Variants in DNAH1 observed in about 807,000 individuals in gnomAD.
The protein encoded by DNAH1 is axonemal beta dynein heavy chain 1.
A neutral mutation model predicts 484.3 loss-of-function variants in DNAH1; 327 were observed. That is an observed-to-expected ratio of 0.68 (90% CI 0.62 to 0.74). The LOEUF (loss-of-function observed/expected upper bound fraction) is 0.74, where lower values mean the gene tolerates loss of function less well. DNAH1 is among the 30% of genes least tolerant of loss of function. DNAH1 has a pLI of 0.00. For synonymous variants in DNAH1, 2,192 were observed against 2,191.9 expected (o/e 1.00, Z 0.00); for missense variants, 5,052 against 5,546.8 (o/e 0.91, Z 2.83).
chr3:52,394,535 TG>T lies in DNAH1; in HGVS notation c.10698del (p.Ser3567GlnfsTer9). 6.2e-7 allele frequency: 1 copy of T among 1,614,030 alleles called. No homozygotes were observed. The highest frequency in any genetic ancestry group is 8.5e-7 in the Non-Finnish European group (1 of 1,179,874). ...IMTENPAPDW[L>X]SDRAWRDILA... ...ACTGAGAATCCGGCACCGGACTGGC[TG>T]TCAGACCGGGCTTGGCGAGACATCC... On this transcript the variant is annotated frameshift_variant, in exon 67 of 78. Transcript: ENST00000420323. LOFTEE classifies it high-confidence loss of function.
At chr3:52,359,610 G>A (rs1702770700) in intron 26 of DNAH1, among the ~76,000 whole-genome samples, 1 of 152,334 alleles carries the variant, frequency 6.6e-6, no homozygotes. Context: ...GGAGCCACGC[G>A]CCTGGTCCCT....
Position 52,396,745 on chromosome 3 carries a change from G to T in DNAH1, c.11558G>T (p.Cys3853Phe), listed in dbSNP as rs767788052. ...YEFTDGDLRI[C>F]ISQLKMFLDE... ...TTCACGGATGGAGATCTGCGCATCT[G>T]CATCAGCCAGCTCAAGATGTTCCTG... is the stretch of plus-strand genomic sequence containing the variant. Residue 3853 changes from cysteine (C) to phenylalanine (F), a missense_variant, in exon 72 of 78, where the codon TGC (cysteine) becomes TTC (phenylalanine). Physicochemically the swap from Cys to Phe is radical, Grantham distance 205. This residue lies in a region of DNAH1 where 853 missense variants were observed against 899.0 expected (regional missense o/e 0.95). Transcript: ENST00000420323. 1 of 1,613,768 alleles carries T rather than the reference G, an allele frequency of 6.2e-7. No individual in the cohort carries two copies. The highest frequency in any genetic ancestry group is 1.1e-5 in the South Asian group (1 of 91,080).
At chr3:52,399,315 A>G in intron 76 of DNAH1, 114 bp downstream of exon 76, 1 of 1,187,864 alleles carries the variant, frequency 8.4e-7, no homozygotes, top group Non-Finnish European at 1.2e-6. Flanking sequence ...CAGGGCATGG[A>G]AAGACCCAAG....
intron 8 of DNAH1, among the ~76,000 whole-genome samples, chr3:52,338,260 C>T (rs926293682): frequency 1.5e-4 from 23 of 152,248 alleles, no homozygotes; most frequent in Middle Eastern, 3.4e-3. Flanking sequence ...AGGCGCCTAC[C>T]ACCATGCCTG....
chr3:52,387,462 C>T (rs1184092618), intron 56 of DNAH1, among the ~76,000 whole-genome samples: 2 of 152,212 alleles, frequency 1.3e-5, no homozygotes, highest in Non-Finnish European at 2.9e-5. Flanking sequence ...GCCTGTCCCA[C>T]ACAGGCCACC....
chr3:52,316,857 T>G (rs1336315049), intron 1 of DNAH1, among the ~76,000 whole-genome samples: 1 of 152,180 alleles, frequency 6.6e-6, no homozygotes, highest in Non-Finnish European at 1.5e-5. Context: ...CAAGTCTGTT[T>G]CCCCATCTGT....
At position 52,361,901 on chromosome 3, in the gene DNAH1, C is replaced by T; in HGVS notation, c.4980+135C>T. 1 of 935,972 alleles carries T rather than the reference C, an allele frequency of 1.1e-6. No homozygotes were observed. Among genetic ancestry groups the T allele is most frequent in the Non-Finnish European group, 1.6e-6 (1 of 627,920 alleles). The allele number at this position is 935,972 out of a possible 1,614,324, so 58.0% of individuals were successfully genotyped here. ...GCCTCTCTTGTCCCGGGGGCACACC[C>T]TAACCCCAGTCTGTGGGCAGCTCCC... On this transcript the variant is annotated intron_variant, in intron 30 of 77. Coordinates refer to ENST00000420323, the MANE Select transcript of DNAH1 (RefSeq NM_015512.5). This position sits in a 1 kb window ranked among gnomAD's most constrained non-coding sequence, Gnocchi z 5.6.
At position 52,372,336 on chromosome 3, in the gene DNAH1, G is replaced by T. The variant is rs780533738; in HGVS notation, c.6776G>T (p.Arg2259Leu). ...AGCCACTTCCTCACCTTCTCAGCCCGCACTTCAGCCAACCAGACCCAGGAC... is the reference window on the plus strand; with the variant it reads ...AGCCACTTCCTCACCTTCTCAGCCCTCACTTCAGCCAACCAGACCCAGGAC... The part of the protein sequence containing the change: ...YISHFLTFSA[R>L]TSANQTQDFI... Residue 2259 changes from arginine to leucine, a missense_variant, in exon 43 of 78, where the codon CGC (arginine) becomes CTC (leucine). Coordinates refer to ENST00000420323, the MANE Select transcript of DNAH1 (RefSeq NM_015512.5). The T allele has an allele frequency of 1.2e-5, 19 of 1,613,818 alleles. No homozygotes were observed. Among genetic ancestry groups the T allele is most frequent in the African/African-American group, 1.3e-5 (1 of 74,898 alleles).
chr3:52,347,240 G>A (rs1702181030), intron 11 of DNAH1, among the ~76,000 whole-genome samples: 1 of 152,198 alleles, frequency 6.6e-6, no homozygotes, highest in African/African-American at 2.4e-5. Flanking sequence ...GCAGGTACAG[G>A]CGGAGAGATC....
chr3:52,364,430 G>A lies in DNAH1; in HGVS notation c.5245-208G>A, dbSNP rs966586331. On this transcript the variant is annotated intron_variant, in intron 32 of 77. Coordinates refer to ENST00000420323, the MANE Select transcript of DNAH1 (RefSeq NM_015512.5). This position sits in a 1 kb window ranked among gnomAD's most constrained non-coding sequence, Gnocchi z 4.2. ...GTATCGGATAAAGGAGGGGGCTATCGGGACAGTAAAGTGCAGGGTGCCCGG... is the reference window on the plus strand; with the variant it reads ...GTATCGGATAAAGGAGGGGGCTATCAGGACAGTAAAGTGCAGGGTGCCCGG... Among the ~76,000 whole-genome samples, 5 of 152,228 alleles carry A rather than the reference G, an allele frequency of 3.3e-5. No homozygotes were observed. Among genetic ancestry groups the A allele is most frequent in the South Asian group, 4.1e-4 (2 of 4,838 alleles).
chr3:52,369,007 C>T lies in DNAH1; in HGVS notation c.5943+89C>T, dbSNP rs1034009671. The T allele has an allele frequency of 5.5e-6, 8 of 1,458,476 alleles. No individual in the cohort carries two copies. In the Admixed American group the frequency reaches 9.2e-5, roughly 17 times the overall value. 90.3% of individuals were successfully genotyped at this position (1,458,476 alleles called of 1,614,324 possible). ...TGCTGGCCAAACTCTGCCCCCTCAC[C>T]CCTTTCTCTCAGGGCCATGGGTCCA... On this transcript the variant is annotated intron_variant, in intron 37 of 77. Transcript: ENST00000420323.
chr3:52,381,730 C>T lies in DNAH1; in HGVS notation c.7699C>T (p.His2567Tyr). Residue 2567 changes from histidine to tyrosine, a missense_variant, in exon 49 of 78, where the codon CAC (histidine) becomes TAC (tyrosine). His to Tyr is a moderately conservative substitution (Grantham distance 83). Transcript: ENST00000420323. This position sits in a 1 kb window ranked among gnomAD's most constrained non-coding sequence, Gnocchi z 4.1. The stretch of plus-strand genomic sequence containing the variant: ...GGTCCTCTTCATGGACGCCATGAGC[C>T]ACATCTGTCGCATCAGCCGCACCCT... Reference protein sequence around the residue: ...KLVLFMDAMSHICRISRTLRQ... With the variant: ...KLVLFMDAMSYICRISRTLRQ... 1 of 1,606,560 alleles carries T rather than the reference C, an allele frequency of 6.2e-7. No homozygotes were observed. The highest frequency in any genetic ancestry group is 2.2e-5 in the East Asian group (1 of 44,576).
At chr3:52,386,105 T>G in intron 54 of DNAH1, 55 bp from the exon 55 acceptor site, 1 of 1,544,074 alleles carries the variant, frequency 6.5e-7, no homozygotes, top group Admixed American at 1.9e-5. Context: ...CTGGGGAGAC[T>G]AAGATGCAGA....
Position 52,396,885 on chromosome 3 carries a change from AG to A in DNAH1, c.11632del (p.Glu3878ArgfsTer18). On this transcript the variant is annotated frameshift_variant, in exon 73 of 78. Coordinates refer to ENST00000420323, the MANE Select transcript of DNAH1 (RefSeq NM_015512.5). LOFTEE classifies it high-confidence loss of function. ...CCCCATAGGTCCTCAAGTACACGGCAGGGGAGATCAATTACGGGGGCCGTGT... is the reference window on the plus strand; with the variant it reads ...CCCCATAGGTCCTCAAGTACACGGCAGGGAGATCAATTACGGGGGCCGTGT... ...IPYKVLKYTAGEINYGGRVTD... is the reference protein window; with the variant it reads ...IPYKVLKYTAXEINYGGRVTD... The A allele has an allele frequency of 7.1e-7, 1 of 1,408,856 alleles. No homozygotes were observed. The highest frequency in any genetic ancestry group is 9.6e-7 in the Non-Finnish European group (1 of 1,039,802). 87.3% of individuals were successfully genotyped at this position (1,408,856 alleles called of 1,614,324 possible). A position where few individuals can be genotyped will look rare whatever the true frequency, so the allele number is the denominator to read the frequency against.
rs1704433521 is a variant in DNAH1, at chr3:52,392,533, CCAGCTGATTAT to C, written c.10126_10136del (p.Leu3376Ter). The C allele has an allele frequency of 6.2e-7, 1 of 1,613,842 alleles. No homozygotes were observed. Among genetic ancestry groups the C allele is most frequent in the African/African-American group, 1.3e-5 (1 of 74,914 alleles). ...GACCCGACCTGGAGGAGGCCAAGAA[CCAGCTGATTAT>C]CAGTAATGCCAAGATGCGCCAGGAG... On this transcript the variant is annotated frameshift_variant, in exon 64 of 78. Coordinates refer to ENST00000420323, the MANE Select transcript of DNAH1 (RefSeq NM_015512.5). LOFTEE classifies it high-confidence loss of function.
chr3:52,376,723 T>A (rs1240953224), intron 46 of DNAH1, among the ~76,000 whole-genome samples: 2 of 152,110 alleles, frequency 1.3e-5, no homozygotes, highest in Non-Finnish European at 2.9e-5. Flanking sequence ...CCCCAGCCCG[T>A]CACTCTACCT....
intron 58 of DNAH1, 89 bp downstream of exon 58, chr3:52,388,698 G>T: frequency 1.2e-6 from 2 of 1,605,290 alleles, no homozygotes; most frequent in African/African-American, 2.7e-5. Context: ...TCCTGGGGTG[G>T]CTGTCCACAC....
chr3:52,400,198 G>A (rs1704846957), intron 77 of DNAH1, 127 bp from the exon 78 acceptor site: 2 of 1,302,418 alleles, frequency 1.5e-6, no homozygotes, highest in Non-Finnish European at 2.2e-6. Context: ...TCATCAGGTA[G>A]GCTTCCTCTT....
intron 9 of DNAH1, 122 bp downstream of exon 9, chr3:52,344,769 C>A: frequency 9.1e-7 from 1 of 1,093,138 alleles, no homozygotes; most frequent in Non-Finnish European, 1.3e-6. Context: ...ACACTCCCTG[C>A]ACCTCCCCTG....
Sources: allele counts gnomAD v4.1 joint callset (sites outside exome capture counted in the v4.1 genomes callset), GRCh38; gene constraint gnomAD v4.1.1; regional missense constraint gnomAD v4.1.1; non-coding constraint Gnocchi (gnomAD v3.1); transcripts MANE v1.5; gene names NCBI Gene and HGNC (gene_info 2026-07-23, HGNC 2026-07-21).